GALNTL5: variants seen among roughly 807,000 people sequenced by gnomAD.
The protein encoded by GALNTL5 is polypeptide N-acetylgalactosaminyltransferase like 5.
A neutral mutation model predicts 51.0 loss-of-function variants in GALNTL5; 44 were observed. That is an observed-to-expected ratio of 0.86 (90% CI 0.68 to 1.11). The LOEUF (loss-of-function observed/expected upper bound fraction) is 1.11. Among genes scored for constraint, GALNTL5 ranks in the 50% least tolerant of loss-of-function variants. GALNTL5 has a pLI of 0.00. For synonymous variants in GALNTL5, 192 were observed against 182.8 expected, an observed-to-expected ratio of 1.05 and a Z score of -0.41; for missense variants, 528 against 531.8, an observed-to-expected ratio of 0.99 and a Z score of 0.07.
At chr7:151,981,033 C>T (rs2081277876) in intron 3 of GALNTL5, among the ~76,000 whole-genome samples, 2 of 152,076 alleles carry the variant, frequency 1.3e-5, no homozygotes, top group Admixed American at 6.5e-5. Flanking sequence ...GCTTGAGCCA[C>T]CGCGCCCGGC....
At chr7:151,998,277 G>T (rs2081525651) in intron 5 of GALNTL5, among the ~76,000 whole-genome samples, 1 of 151,940 alleles carries the variant, frequency 6.6e-6, no homozygotes, top group Non-Finnish European at 1.5e-5. Context: ...ATTAATACTT[G>T]CCTGTTTTAT....
intron 1 of GALNTL5, 90 bp from the exon 2 acceptor site, chr7:151,967,117 TA>T: frequency 1.3e-6 from 1 of 756,700 alleles, no homozygotes; most frequent in Non-Finnish European, 2.1e-6. Flanking sequence ...TGATTGTTTT[TA>T]AAACACTAAA....
At chr7:151,998,790 AC>A (rs1225498161) in intron 5 of GALNTL5, among the ~76,000 whole-genome samples, 1,506 of 149,372 alleles carry the variant, frequency 0.01, 42 homozygotes, top group African/African-American at 0.037. Context: ...AAAACAAAAA[AC>A]AAAACTACTC....
At chr7:151,970,845 G>A in intron 2 of GALNTL5, 100 bp from the exon 3 acceptor site, 1 of 971,164 alleles carries the variant, frequency 1.0e-6, no homozygotes, top group South Asian at 1.7e-5. Context: ...TTCTATTCTG[G>A]TTCTTTTAAA....
At position 151,998,769 on chromosome 7, in the gene GALNTL5, C is replaced by A. The variant is rs201647464; in HGVS notation, c.659-3945C>A. ...CCTGGGTGACAGAGCGAGACTCTAT[C>A]TAAAAAAAAAAAAACAAAAAACAAA... On this transcript the variant is annotated intron_variant, in intron 5 of 8. Transcript: ENST00000392800. Among the ~76,000 whole-genome samples the A allele has an allele frequency of 1.2e-3, 90 of 73,416 alleles. 1 individual carries two copies. Among genetic ancestry groups the A allele is most frequent in the African/African-American group, 1.5e-3 (25 of 17,096 alleles). The allele number at this position is 73,416 out of a possible 152,430, so 48.2% of individuals were successfully genotyped here. A position where few individuals can be genotyped will look rare whatever the true frequency, so the allele number is the denominator to read the frequency against.
At chr7:151,967,626 G>A (rs1019895973) in intron 2 of GALNTL5, 133 bp downstream of exon 2, 31 of 600,210 alleles carry the variant, frequency 5.2e-5, no homozygotes, top group African/African-American at 4.2e-4. Context: ...TTTATATAGT[G>A]TATATATCTA....
chr7:152,019,467 TA>T (rs1298406594), intron 8 of GALNTL5, among the ~76,000 whole-genome samples, 178 bp from the exon 9 acceptor site: 8 of 152,166 alleles, frequency 5.3e-5, no homozygotes, highest in Non-Finnish European at 8.8e-5. Flanking sequence ...GCAGGGTGGG[TA>T]AATCCGAGGT....
chr7:152,015,232 G>T (rs569340522), intron 8 of GALNTL5, among the ~76,000 whole-genome samples: 1 of 152,182 alleles, frequency 6.6e-6, no homozygotes, highest in African/African-American at 2.4e-5. Flanking sequence ...TCTCTCAGAA[G>T]TAAATCAATC....
chr7:151,973,052 G>T (rs1273576048), intron 3 of GALNTL5, among the ~76,000 whole-genome samples: 1 of 152,154 alleles, frequency 6.6e-6, no homozygotes, highest in Non-Finnish European at 1.5e-5. Flanking sequence ...TGCGGGGGAT[G>T]TACCCTGCAG....
At chr7:151,967,534 A>G in intron 2 of GALNTL5, 41 bp downstream of exon 2, 1 of 1,556,816 alleles carries the variant, frequency 6.4e-7, no homozygotes, top group Non-Finnish European at 8.8e-7. Context: ...TTTGAAGGGG[A>G]AAATGTACAA....
chr7:151,997,624 A>G (rs1247249026), intron 5 of GALNTL5, among the ~76,000 whole-genome samples: 1 of 152,222 alleles, frequency 6.6e-6, no homozygotes, highest in African/African-American at 2.4e-5. Context: ...ATAATTTTAA[A>G]TTATTTTGCA....
At chr7:151,992,649 C>T (rs2151951844) in intron 5 of GALNTL5, among the ~76,000 whole-genome samples, 1 of 152,314 alleles carries the variant, frequency 6.6e-6, no homozygotes, top group Middle Eastern at 3.4e-3. Context: ...GACCTCATTG[C>T]ATCTGCAAAG....
intron 1 of GALNTL5, among the ~76,000 whole-genome samples, chr7:151,963,658 G>A (rs1881645): frequency 0.78 from 118,091 of 152,192 alleles, 46,242 homozygotes; most frequent in African/African-American, 0.87. Context: ...TCGGCCTCTG[G>A]AAGTGCTGGG....
intron 1 of GALNTL5, among the ~76,000 whole-genome samples, chr7:151,965,896 G>C (rs1328535838): frequency 6.6e-6 from 1 of 151,856 alleles, no homozygotes; most frequent in Non-Finnish European, 1.5e-5. Flanking sequence ...TCAAAAAAAA[G>C]GGATACAGTA....
chr7:152,009,658 G>A (rs1378951036), intron 7 of GALNTL5, among the ~76,000 whole-genome samples: 2 of 152,102 alleles, frequency 1.3e-5, no homozygotes, highest in African/African-American at 4.8e-5. Context: ...TCTGCATCTG[G>A]TGTGAAAAAA....
chr7:152,019,513 G>C, intron 8 of GALNTL5, 133 bp from the exon 9 acceptor site: 1 of 787,570 alleles, frequency 1.3e-6, no homozygotes, highest in Non-Finnish European at 2.0e-6. Flanking sequence ...TCCCTAGACA[G>C]AAAAAAATTG....
chr7:151,967,545 C>A (rs752287752), intron 2 of GALNTL5, 52 bp downstream of exon 2: 17 of 1,512,168 alleles, frequency 1.1e-5, no homozygotes, highest in Non-Finnish European at 1.5e-5. Flanking sequence ...AAATGTACAA[C>A]AATATTTAAT....
Position 152,019,637 on chromosome 7 carries a change from T to C in GALNTL5, c.1177-9T>C, listed in dbSNP as rs760263699. The C allele has an allele frequency of 9.3e-6, 15 of 1,607,648 alleles. 1 individual carries two copies. In the South Asian group the frequency reaches 1.6e-4, roughly 17 times the overall value. ...TGAACGTAACGACTGACTCTATATT[T>C]TCATTTAGGAGCAGTTTTTTCTTCG... On this transcript the variant is annotated splice_polypyrimidine_tract_variant and intron_variant, in intron 8 of 8. Transcript: ENST00000392800.
intron 5 of GALNTL5, among the ~76,000 whole-genome samples, chr7:151,999,224 A>G (rs1405736957): frequency 1.3e-5 from 2 of 152,112 alleles, no homozygotes; most frequent in African/African-American, 2.4e-5. Context: ...ATGGTTGAAT[A>G]ATATTCCATT....
Sources: gnomAD v4.1 joint callset for allele counts (sites outside exome capture counted in the v4.1 genomes callset) on GRCh38, gnomAD v4.1.1 for gene constraint, MANE v1.5 for transcripts, NCBI Gene and HGNC (gene_info 2026-07-23, HGNC 2026-07-21) for gene names.